The following GLT1D1 variants were observed in gnomAD, a reference collection of about 807,000 sequenced individuals.
GLT1D1 encodes glycosyltransferase 1 domain containing 1.
Under a neutral mutation model 28.7 loss-of-function variants are expected in GLT1D1, and 21 were observed. The observed-to-expected ratio is 0.73, with a 90% CI of 0.52 to 1.05. The LOEUF (loss-of-function observed/expected upper bound fraction) is 1.05. Among genes scored for constraint, GLT1D1 ranks in the 50% least tolerant of loss-of-function variants. The probability of loss-of-function intolerance (pLI) is 0.00; values close to 1 mark genes in which losing one functional copy is unlikely to be tolerated. For synonymous variants in GLT1D1, 147 were observed against 124.8 expected (o/e 1.18, Z -1.19); for missense variants, 343 against 330.6 (o/e 1.04, Z -0.29).
At chr12:128,955,968 G>A (rs961464555) in intron 6 of GLT1D1, among the ~76,000 whole-genome samples, 3 of 151,424 alleles carry the variant, frequency 2.0e-5, no homozygotes, top group South Asian at 4.2e-4. Context: ...CTGTGAGTTG[G>A]CTAACACAGT....
At chr12:128,880,150 T>A (rs893860943) in intron 2 of GLT1D1, among the ~76,000 whole-genome samples, 21 of 152,242 alleles carry the variant, frequency 1.4e-4, no homozygotes, top group Non-Finnish European at 2.8e-4. Context: ...AAGGACTTAT[T>A]TCTCCTCTAG....
intron 7 of GLT1D1, among the ~76,000 whole-genome samples, chr12:128,982,109 CA>C (rs1300649250): frequency 6.6e-6 from 1 of 152,158 alleles, no homozygotes; most frequent in African/African-American, 2.4e-5. Context: ...CAAGGGTCTG[CA>C]AGCCTTCTTC....
intron 7 of GLT1D1, among the ~76,000 whole-genome samples, chr12:128,965,568 G>A (rs1027706750): frequency 4.6e-5 from 7 of 152,044 alleles, no homozygotes; most frequent in Non-Finnish European, 5.9e-5. Context: ...TTGTTATGCA[G>A]CAATAGAAAA....
In GLT1D1 at chr12:128,945,776, G is replaced by A. The variant is rs546080988; in HGVS notation, c.419+407G>A. On this transcript the variant is annotated intron_variant, in intron 5 of 7. Transcript: ENST00000281703. ...TTTCATTGCTCACATCAACAAGTCT[G>A]AGGGTGGTCATTCAAGGAGCAAAAC... Among the ~76,000 whole-genome samples, 6 of 152,318 alleles carry A rather than the reference G, an allele frequency of 3.9e-5. No individual in the cohort carries two copies. In the East Asian group the frequency reaches 9.6e-4, roughly 24 times the overall value.
intron 4 of GLT1D1, 32 bp from the exon 7 acceptor site, chr12:128,926,327 C>G (rs1220497638): frequency 5.2e-6 from 6 of 1,153,680 alleles, no homozygotes; most frequent in Non-Finnish European, 7.5e-6. Flanking sequence ...GAGCCCTCCC[C>G]ACTGAAAACA....
At chr12:128,900,685 G>T (rs1427477018) in intron 4 of GLT1D1, among the ~76,000 whole-genome samples, 4 of 150,224 alleles carry the variant, frequency 2.7e-5, no homozygotes, top group African/African-American at 7.4e-5. Flanking sequence ...ACCCAGGCTA[G>T]AGTGTAATGG....
rs748503412 is a variant in GLT1D1, at chr12:128,903,287, G to T, written c.375+4000G>T. Among the ~76,000 whole-genome samples, 3 of 151,812 alleles carry T rather than the reference G, an allele frequency of 2.0e-5. No individual in the cohort carries two copies. In the East Asian group the frequency reaches 5.8e-4, roughly 29 times the overall value. On this transcript the variant is annotated intron_variant, in intron 4 of 7. Transcript: ENST00000281703. ...GGGATGGTGGGGACCCCTGAGGCCT[G>T]TCTCCATGGGGTCTGTCATCCTGTT...
rs141299514 is a variant in GLT1D1 at position 128,928,398 on chromosome 12, G to A, written c.376-16928G>A. ...CATGGGGACTCTGGGATATTCACTC[G>A]TCCCTCACCAGATCAGGACCAAACA... On this transcript the variant is annotated intron_variant, in intron 4 of 7. Coordinates refer to ENST00000281703, the MANE Select transcript of GLT1D1 (RefSeq NM_144669.3). Among the ~76,000 whole-genome samples, 860 of 152,164 alleles carry A rather than the reference G, an allele frequency of 5.7e-3. 10 individuals are homozygous for A. Among genetic ancestry groups the A allele is most frequent in the African/African-American group, 0.019 (770 of 41,522 alleles).
intron 2 of GLT1D1, among the ~76,000 whole-genome samples, chr12:128,885,874 A>C (rs1020770545): frequency 1.3e-5 from 2 of 152,150 alleles, no homozygotes; most frequent in Non-Finnish European, 2.9e-5. Flanking sequence ...CTTTAGTAGC[A>C]GTTTTTATTG....
chr12:128,982,952 A>G lies in GLT1D1; in HGVS notation c.663A>G (p.Arg221=), dbSNP rs757245039. ...AGGAGTTTGTTCATCTGGCAAAGAG[A>G]CTGGTTAGTGATCCTGCATTAGAAA... The change falls in exon 8 of 8, where the codon AGA becomes AGG. Residue 221 remains arginine (R), a synonymous_variant. Coordinates refer to ENST00000281703, the MANE Select transcript of GLT1D1 (RefSeq NM_144669.3). The G allele has an allele frequency of 9.3e-6, 15 of 1,613,968 alleles. No individual in the cohort carries two copies. The South Asian group carries it at 1.4e-4, about 15-fold the overall frequency.
At chr12:128,897,670 T>C (rs1376430777) in intron 3 of GLT1D1, among the ~76,000 whole-genome samples, 1 of 151,750 alleles carries the variant, frequency 6.6e-6, no homozygotes, top group Non-Finnish European at 1.5e-5. Flanking sequence ...TGTCAAATTC[T>C]TTTTTTTTCT....
chr12:128,980,042 A>G (rs1051310384), intron 7 of GLT1D1, among the ~76,000 whole-genome samples: 15 of 152,258 alleles, frequency 9.9e-5, no homozygotes, highest in Non-Finnish European at 2.2e-4. Context: ...CTGAACCATC[A>G]TAAGTCGGGA....
chr12:128,878,214 C>G (rs1956919052), intron 2 of GLT1D1, among the ~76,000 whole-genome samples: 1 of 152,094 alleles, frequency 6.6e-6, no homozygotes, highest in Non-Finnish European at 1.5e-5. Flanking sequence ...ACCTCCTCCC[C>G]CATCTTAAAC....
chr12:128,960,765 A>G (rs948914415), intron 7 of GLT1D1, among the ~76,000 whole-genome samples: 1 of 150,364 alleles, frequency 6.7e-6, no homozygotes, highest in Non-Finnish European at 1.5e-5. Flanking sequence ...TGGGTATCTA[A>G]AAAAAAAAAT....
At chr12:128,968,142 C>A (rs1878651827) in intron 7 of GLT1D1, among the ~76,000 whole-genome samples, 1 of 151,998 alleles carries the variant, frequency 6.6e-6, no homozygotes, top group Non-Finnish European at 1.5e-5. Context: ...ACTGCAGGCG[C>A]CTGCCACCAC....
intron 7 of GLT1D1, among the ~76,000 whole-genome samples, chr12:128,969,038 CTG>C (rs1175835852): frequency 6.6e-6 from 1 of 152,060 alleles, no homozygotes; most frequent in Non-Finnish European, 1.5e-5. Context: ...CTCTCTCCCT[CTG>C]TCTTTTTCTG....
intron 3 of GLT1D1, among the ~76,000 whole-genome samples, chr12:128,891,853 A>G (rs1025276504): frequency 6.6e-6 from 1 of 152,180 alleles, no homozygotes; most frequent in Non-Finnish European, 1.5e-5. Context: ...TATTTTGCCA[A>G]CGTTGAAGAC....
At position 128,984,253 on chromosome 12, in the gene GLT1D1, C is replaced by A. The variant is rs1348700442; in HGVS notation, c.*1163C>A. On this transcript the variant is annotated 3_prime_UTR_variant, in exon 8 of 8. Transcript: ENST00000281703. The stretch of plus-strand genomic sequence containing the variant: ...AGCGGGTTTCGACGCTTAGGAGGGC[C>A]GAGGGAGAAGATTCCACCAGCATTG... The A allele has an allele frequency of 6.6e-6, 1 of 152,164 alleles. No homozygotes were observed. The highest frequency in any genetic ancestry group is 6.5e-5 in the Admixed American group (1 of 15,274). 9.4% of individuals were successfully genotyped at this position (152,164 alleles called of 1,614,324 possible). A position where few individuals can be genotyped will look rare whatever the true frequency, so the allele number is the denominator to read the frequency against.
At chr12:128,971,841 CT>C in intron 7 of GLT1D1, among the ~76,000 whole-genome samples, 1 of 82,230 alleles carries the variant, frequency 1.2e-5, no homozygotes, top group Non-Finnish European at 2.3e-5. Flanking sequence ...TGCTCCCTCC[CT>C]TCCTCTCTCC....
Sources: allele counts gnomAD v4.1 joint callset (sites outside exome capture counted in the v4.1 genomes callset), GRCh38; gene constraint gnomAD v4.1.1; transcripts MANE v1.5; gene names NCBI Gene and HGNC (gene_info 2026-07-23, HGNC 2026-07-21).